DUSP1: variants seen among roughly 807,000 people sequenced by gnomAD.
The protein encoded by DUSP1 is dual specificity phosphatase 1.
A neutral mutation model predicts 27.4 loss-of-function variants in DUSP1; 10 were observed. That is an observed-to-expected ratio of 0.37 (90% CI 0.23 to 0.62). The LOEUF (loss-of-function observed/expected upper bound fraction) is 0.62. Among genes scored for constraint, DUSP1 ranks in the 20% least tolerant of loss-of-function variants. The probability of loss-of-function intolerance (pLI) is 0.68; values close to 1 mark genes in which losing one functional copy is unlikely to be tolerated. For synonymous variants in DUSP1, 262 were observed against 223.6 expected (o/e 1.17, Z -1.53); for missense variants, 425 against 508.1 (o/e 0.84, Z 1.57).
chr5:172,770,895 G>A lies in DUSP1; in HGVS notation c.58C>T (p.Arg20Ter), dbSNP rs1290069066. 5 of 1,534,814 alleles carry A rather than the reference G, an allele frequency of 3.3e-6. No homozygotes were observed. The highest frequency in any genetic ancestry group is 2.5e-5 in the East Asian group (1 of 40,712). ...TCCAGCAGCAGGCATTGCGCCGCTCGCTCCCCCAGCAGCGCCCGCAGGCCT... is the reference window on the plus strand; with the variant it reads ...TCCAGCAGCAGGCATTGCGCCGCTCACTCCCCCAGCAGCGCCCGCAGGCCT... ...AGGLRALLGE[R>*]AAQCLLLDCR... The change falls in exon 1 of 4, where the codon CGA becomes TGA. Residue 20 changes from arginine (R) to a stop codon, truncating the protein, a stop_gained. Transcript: ENST00000239223. LOFTEE classifies it high-confidence loss of function.
Position 172,768,919 on chromosome 5 carries a change from T to C in DUSP1, c.947A>G (p.His316Arg). 6.2e-7 allele frequency: 1 copy of C among 1,614,046 alleles called. No homozygotes were observed. Among genetic ancestry groups the C allele is most frequent in the South Asian group, 1.1e-5 (1 of 91,060 alleles). ...GGGGCTCCCAGCCTCTGCCGAACAG[T>C]GCGGAGCCAGCACCTGGGACTCAAA... is the stretch of plus-strand genomic sequence containing the variant. ...LQFESQVLAP[H>R]CSAEAGSPAM... Residue 316 changes from histidine to arginine, a missense_variant, in exon 4 of 4, where the codon CAC (histidine) becomes CGC (arginine). Physicochemically the swap from His to Arg is conservative, Grantham distance 29. This residue lies in a region of DUSP1 where 84 missense variants were observed against 80.5 expected (regional missense o/e 1.04). Transcript: ENST00000239223.
rs1454218326 is a variant in DUSP1, at chr5:172,770,818, G to A, written c.135C>T (p.Asn45=). 1.3e-6 allele frequency: 2 copies of A among 1,526,222 alleles called. No homozygotes were observed. The highest frequency in any genetic ancestry group is 5.0e-5 in the East Asian group (2 of 39,672). 94.5% of individuals were successfully genotyped at this position (1,526,222 alleles called of 1,614,324 possible). Residue 45 remains asparagine, a synonymous_variant, in exon 1 of 4, where the codon AAC becomes AAT. Transcript: ENST00000239223. ...GCCGCACGATGGTGCTGAAGCGCAC[G>A]TTGACAGAGCCGGCGATGTGGCCGG... is the stretch of plus-strand genomic sequence containing the variant. The part of the protein sequence containing the change: ...FNAGHIAGSV[N]VRFSTIVRRR...
At position 172,768,852 on chromosome 5, in the gene DUSP1, C is replaced by A; in HGVS notation, c.1014G>T (p.Val338=). The part of the protein sequence containing the change: ...VLDRGTSTTT[V]FNFPVSIPVH... ...CAGGGATGGAGACGGGGAAGTTGAA[C>A]ACGGTGGTGGTGGAGGTGCCTCGGT... is the stretch of plus-strand genomic sequence containing the variant. Residue 338 remains valine, a synonymous_variant, in exon 4 of 4, where the codon GTG becomes GTT. Coordinates refer to ENST00000239223, the MANE Select transcript of DUSP1 (RefSeq NM_004417.4). 2 of 1,604,222 alleles carry A rather than the reference C, an allele frequency of 1.2e-6. No homozygotes were observed. The highest frequency in any genetic ancestry group is 1.7e-6 in the Non-Finnish European group (2 of 1,174,302).
Position 172,770,609 on chromosome 5 carries a change from G to A in DUSP1, c.344C>T (p.Ala115Val), listed in dbSNP as rs1759873310. ...ACCTTTGAGGAAGAAGACTTGCGCG[G>A]CGCGCGCCTCGCGGCAGAGCGCGCC... ...AAGALCREAR[A>V]AQVFFLKGGY... The change falls in exon 1 of 4, where the codon GCC (alanine) becomes GTC (valine). Residue 115 changes from alanine (A) to valine (V), a missense_variant. Around this residue, in one of 3 missense-constraint regions of DUSP1, gnomAD observed 282 missense variants for 319.3 expected, o/e 0.88. Transcript: ENST00000239223. 1.5e-6 allele frequency: 2 copies of A among 1,349,358 alleles called. No individual in the cohort carries two copies. The highest frequency in any genetic ancestry group is 1.5e-5 in the African/African-American group (1 of 66,040). The allele number at this position is 1,349,358 out of a possible 1,614,324, so 83.6% of individuals were successfully genotyped here.
In DUSP1 at chr5:172,770,748, C is replaced by G; in HGVS notation, c.205G>C (p.Ala69Pro). 2 of 1,443,350 alleles carry G rather than the reference C, an allele frequency of 1.4e-6. No individual in the cohort carries two copies. Among genetic ancestry groups the G allele is most frequent in the South Asian group, 2.7e-5 (2 of 75,036 alleles). 89.4% of individuals were successfully genotyped at this position (1,443,350 alleles called of 1,614,324 possible). ...AMGLEHIVPNAELRGRLLAGA... is the reference protein window; with the variant it reads ...AMGLEHIVPNPELRGRLLAGA... Reference sequence around the variant, plus strand: ...GCCAGCAGGCGGCCGCGGAGCTCGGCGTTGGGCACGATGTGCTCCAGGCCC... The same window carrying G: ...GCCAGCAGGCGGCCGCGGAGCTCGGGGTTGGGCACGATGTGCTCCAGGCCC... The change falls in exon 1 of 4, where the codon GCC (alanine) becomes CCC (proline). Residue 69 changes from alanine to proline, a missense_variant. Physicochemically the swap from Ala to Pro is conservative, Grantham distance 27 (BLOSUM62 -1). Around this residue, in one of 3 missense-constraint regions of DUSP1, gnomAD observed 282 missense variants for 319.3 expected, o/e 0.88. Coordinates refer to ENST00000239223, the MANE Select transcript of DUSP1 (RefSeq NM_004417.4).
At chr5:172,770,436 C>A in intron 1 of DUSP1, 130 bp from the exon 2 acceptor site, 1 of 1,535,026 alleles carries the variant, frequency 6.5e-7, no homozygotes, top group Non-Finnish European at 8.7e-7. Context: ...GTTTCCAGAG[C>A]CAAACAAAGC....
chr5:172,770,992 G>T lies in DUSP1; in HGVS notation c.-40C>A. The T allele has an allele frequency of 7.3e-7, 1 of 1,361,896 alleles. No individual in the cohort carries two copies. 84.4% of individuals were successfully genotyped at this position (1,361,896 alleles called of 1,614,324 possible). ...CCCCCAGCGTGATCGGCCCTGCGGTGCTCTTTGTCTGTTCTCGGGGCCAAG... is the reference window on the plus strand; with the variant it reads ...CCCCCAGCGTGATCGGCCCTGCGGTTCTCTTTGTCTGTTCTCGGGGCCAAG... On this transcript the variant is annotated 5_prime_UTR_variant, in exon 1 of 4. Coordinates refer to ENST00000239223, the MANE Select transcript of DUSP1 (RefSeq NM_004417.4).
At position 172,770,871 on chromosome 5, in the gene DUSP1, C is replaced by G; in HGVS notation, c.82G>C (p.Asp28His). The G allele has an allele frequency of 1.3e-6, 2 of 1,531,032 alleles. No individual in the cohort carries two copies. Among genetic ancestry groups the G allele is most frequent in the Non-Finnish European group, 1.7e-6 (2 of 1,144,268 alleles). The allele number at this position is 1,531,032 out of a possible 1,614,324, so 94.8% of individuals were successfully genotyped here. A position where few individuals can be genotyped will look rare whatever the true frequency, so the allele number is the denominator to read the frequency against. The change falls in exon 1 of 4, where the codon GAC becomes CAC. Residue 28 changes from aspartate (D) to histidine (H), a missense_variant. Transcript: ENST00000239223. ...TTGAAAGCGAAGAAGGAGCGGCAGT[C>G]CAGCAGCAGGCATTGCGCCGCTCGC... ...GERAAQCLLLDCRSFFAFNAG... is the reference protein window; with the variant it reads ...GERAAQCLLLHCRSFFAFNAG...
chr5:172,769,899 G>T, intron 2 of DUSP1, 105 bp from the exon 3 acceptor site: 1 of 1,337,666 alleles, frequency 7.5e-7, no homozygotes. Flanking sequence ...CAGATACCGA[G>T]TGAACTCAGT....
chr5:172,770,285 G>C lies in DUSP1; in HGVS notation c.389C>G (p.Ala130Gly). The C allele has an allele frequency of 6.2e-7, 1 of 1,611,478 alleles. No individual in the cohort carries two copies. Among genetic ancestry groups the C allele is most frequent in the South Asian group, 1.1e-5 (1 of 90,644 alleles). ...FLKGGYEAFS[A>G]SCPELCSKQS... ...TTTGCTGCACAGCTCCGGGCAGGAA[G>C]CCGAAAACGCTTCGTATCCTCCTGG... The change falls in exon 2 of 4, where the codon GCT becomes GGT. Residue 130 changes from alanine to glycine, a missense_variant. By Grantham distance (60) the Ala-to-Gly change is moderately conservative. Coordinates refer to ENST00000239223, the MANE Select transcript of DUSP1 (RefSeq NM_004417.4).
rs199954613 is a variant in DUSP1, at chr5:172,770,331, T to C, written c.368-25A>G. ...CCTGGGAATACAAAGACATTTTTTT[T>C]CCCCATTAGTGACACCGGGACACGG... On this transcript the variant is annotated intron_variant, in intron 1 of 3. Coordinates refer to ENST00000239223, the MANE Select transcript of DUSP1 (RefSeq NM_004417.4). 2.3e-4 allele frequency: 363 copies of C among 1,610,344 alleles called. 2 individuals carry two copies. The East Asian group carries it at 7.8e-3, about 34-fold the overall frequency.
rs896619361 is a variant in DUSP1, at chr5:172,769,854, T to A, written c.514-60A>T. ...TGCTCAAAGCCAAGGCCAGTGCCCA[T>A]ACCCACAAAAACTTTCTGCTGGAAA... On this transcript the variant is annotated intron_variant, in intron 2 of 3. Transcript: ENST00000239223. 42 of 1,548,140 alleles carry A rather than the reference T, an allele frequency of 2.7e-5. No homozygotes were observed. The Middle Eastern group carries it at 1.1e-3, about 41-fold the overall frequency.
Position 172,768,560 on chromosome 5 carries a change from T to C in DUSP1, c.*202A>G, listed in dbSNP as rs769044769. On this transcript the variant is annotated 3_prime_UTR_variant, in exon 4 of 4. Transcript: ENST00000239223. ...AGATGGACTTGATGTACCCACTATA[T>C]ATTGGTCCCGAATGTGCTGAGTTCA... 203 of 558,478 alleles carry C rather than the reference T, an allele frequency of 3.6e-4. No homozygotes were observed. The highest frequency in any genetic ancestry group is 5.2e-4 in the Non-Finnish European group (188 of 363,552). The allele number at this position is 558,478 out of a possible 1,614,324, so 34.6% of individuals were successfully genotyped here. A position where few individuals can be genotyped will look rare whatever the true frequency, so the allele number is the denominator to read the frequency against.
chr5:172,771,168 T>A lies in DUSP1; in HGVS notation c.-216A>T. 3 of 549,034 alleles carry A rather than the reference T, an allele frequency of 5.5e-6. No homozygotes were observed. Among genetic ancestry groups the A allele is most frequent in the South Asian group, 8.1e-5 (2 of 24,592 alleles). 34.0% of individuals were successfully genotyped at this position (549,034 alleles called of 1,614,324 possible). ...CCCCCGACTGCCCCTCCGACCCGCG[T>A]CGCACACACAGCCCAAATGTCCTTC... On this transcript the variant is annotated 5_prime_UTR_variant, in exon 1 of 4. Transcript: ENST00000239223.
Position 172,771,103 on chromosome 5 carries a change from C to A in DUSP1, c.-151G>T. The A allele has an allele frequency of 1.8e-6, 2 of 1,103,516 alleles. No homozygotes were observed. The highest frequency in any genetic ancestry group is 2.3e-6 in the Non-Finnish European group (2 of 853,604). The allele number at this position is 1,103,516 out of a possible 1,614,324, so 68.4% of individuals were successfully genotyped here. A position where few individuals can be genotyped will look rare whatever the true frequency, so the allele number is the denominator to read the frequency against. ...AGCCGCTTTTGGACTGAGAGAGGAG[C>A]GTCACGCGGGGCTCCGGGCTCCTCG... On this transcript the variant is annotated 5_prime_UTR_variant, in exon 1 of 4. Coordinates refer to ENST00000239223, the MANE Select transcript of DUSP1 (RefSeq NM_004417.4).
chr5:172,768,623 T>C lies in DUSP1; in HGVS notation c.*139A>G. ...ACGCTAAGTCATCACCATAACTGCTTAGAAACCCAGAGGAACTCGGGTGAA... is the reference window on the plus strand; with the variant it reads ...ACGCTAAGTCATCACCATAACTGCTCAGAAACCCAGAGGAACTCGGGTGAA... On this transcript the variant is annotated 3_prime_UTR_variant, in exon 4 of 4. Transcript: ENST00000239223. 8.2e-7 allele frequency: 1 copy of C among 1,221,168 alleles called. No individual in the cohort carries two copies. The highest frequency in any genetic ancestry group is 1.1e-6 in the Non-Finnish European group (1 of 936,258). 75.6% of individuals were successfully genotyped at this position (1,221,168 alleles called of 1,614,324 possible). A position where few individuals can be genotyped will look rare whatever the true frequency, so the allele number is the denominator to read the frequency against.
Position 172,770,984 on chromosome 5 carries a change from C to T in DUSP1, c.-32G>A. On this transcript the variant is annotated 5_prime_UTR_variant, in exon 1 of 4. Transcript: ENST00000239223. ...CCTCAGCGCCCCCAGCGTGATCGGCCCTGCGGTGCTCTTTGTCTGTTCTCG... is the reference window on the plus strand; with the variant it reads ...CCTCAGCGCCCCCAGCGTGATCGGCTCTGCGGTGCTCTTTGTCTGTTCTCG... 1 of 1,391,028 alleles carries T rather than the reference C, an allele frequency of 7.2e-7. No individual in the cohort carries two copies. Among genetic ancestry groups the T allele is most frequent in the Non-Finnish European group, 9.3e-7 (1 of 1,070,796 alleles). 86.2% of individuals were successfully genotyped at this position (1,391,028 alleles called of 1,614,324 possible). A position where few individuals can be genotyped will look rare whatever the true frequency, so the allele number is the denominator to read the frequency against.
intron 2 of DUSP1, 107 bp from the exon 3 acceptor site, chr5:172,769,901 G>T: frequency 7.5e-7 from 1 of 1,331,130 alleles, no homozygotes; most frequent in Non-Finnish European, 1.0e-6. Flanking sequence ...GATACCGAGT[G>T]AACTCAGTTC....
In DUSP1 at chr5:172,770,875, C is replaced by A; in HGVS notation, c.78G>T (p.Leu26=). 1 of 1,531,488 alleles carries A rather than the reference C, an allele frequency of 6.5e-7. No individual in the cohort carries two copies. Among genetic ancestry groups the A allele is most frequent in the East Asian group, 2.5e-5 (1 of 40,352 alleles). The allele number at this position is 1,531,488 out of a possible 1,614,324, so 94.9% of individuals were successfully genotyped here. ...LLGERAAQCL[L]LDCRSFFAFN... The stretch of plus-strand genomic sequence containing the variant: ...AAGCGAAGAAGGAGCGGCAGTCCAG[C>A]AGCAGGCATTGCGCCGCTCGCTCCC... Residue 26 remains leucine (L), a synonymous_variant, in exon 1 of 4, where the codon CTG becomes CTT. Transcript: ENST00000239223.
Sources: gnomAD v4.1 joint callset for allele counts on GRCh38, gnomAD v4.1.1 for gene constraint, gnomAD v4.1.1 regional missense constraint, MANE v1.5 for transcripts, NCBI Gene and HGNC (gene_info 2026-07-23, HGNC 2026-07-21) for gene names.